The following CSMD1 variants were observed in gnomAD, a reference collection of about 807,000 sequenced individuals.
CSMD1 encodes the protein CUB and Sushi multiple domains 1, also known as CUB and sushi domain-containing protein 1.
A neutral mutation model predicts 417.5 loss-of-function variants in CSMD1; 213 were observed. The ratio of observed to expected loss-of-function variants is 0.51; its 90% confidence interval spans 0.46 to 0.57. The LOEUF (loss-of-function observed/expected upper bound fraction) is 0.57, where lower values mean the gene tolerates loss of function less well. CSMD1 is among the 20% of genes least tolerant of loss of function. The probability of loss-of-function intolerance (pLI) is 0.00; values close to 1 mark genes in which losing one functional copy is unlikely to be tolerated. For missense variants in CSMD1, 6,923 were observed against 4,529.7 expected, an observed-to-expected ratio of 1.53 and a Z score of -15.17; for synonymous variants, 2,862 against 1,736.8, an observed-to-expected ratio of 1.65 and a Z score of -16.11.
intron 23 of CSMD1, among the ~76,000 whole-genome samples, chr8:3,315,460 G>GTGTGTGTGTGTGTGTGTGTGTGTT (rs370216684): frequency 2.5e-4 from 38 of 151,590 alleles, no homozygotes; most frequent in Admixed American, 9.9e-4. Context: ...GTGTGTGTGT[G>GTGTGTGTGTGTGTGTGTGTGTGTT]TGATTTTTAA....
intron 3 of CSMD1, among the ~76,000 whole-genome samples, chr8:4,327,922 C>T (rs1370951108): frequency 1.3e-5 from 2 of 152,102 alleles, no homozygotes; most frequent in African/African-American, 4.8e-5. Context: ...TCCTTGCTCA[C>T]CACATAATTG....
intron 5 of CSMD1, among the ~76,000 whole-genome samples, chr8:3,951,475 T>G (rs959936905): frequency 2.6e-5 from 4 of 152,180 alleles, no homozygotes; most frequent in Admixed American, 2.6e-4. Context: ...GCTTGTGGGA[T>G]TCCAACTGCT....
chr8:3,261,691 C>G (rs1015467489), intron 26 of CSMD1, among the ~76,000 whole-genome samples: 28 of 152,018 alleles, frequency 1.8e-4, no homozygotes, highest in African/African-American at 6.8e-4. Context: ...TGGATTCATG[C>G]AACAAGCCGG....
intron 20 of CSMD1, among the ~76,000 whole-genome samples, chr8:3,362,691 T>G (rs1024603720): frequency 6.6e-6 from 1 of 152,198 alleles, no homozygotes; most frequent in African/African-American, 2.4e-5. Context: ...GGTCTGTATT[T>G]TCTTCCCAAA....
At chr8:3,596,422 G>A (rs1291145309) in intron 8 of CSMD1, among the ~76,000 whole-genome samples, 2 of 152,186 alleles carry the variant, frequency 1.3e-5, no homozygotes, top group African/African-American at 4.8e-5. Flanking sequence ...CAATGGAGGA[G>A]GCTGATTCCC....
chr8:4,459,588 T>C (rs940425352), intron 2 of CSMD1, among the ~76,000 whole-genome samples: 1 of 152,164 alleles, frequency 6.6e-6, no homozygotes, highest in Non-Finnish European at 1.5e-5. Context: ...ATGGCTAGTC[T>C]AAGATAATAA....
chr8:3,331,466 T>C lies in CSMD1; in HGVS notation c.3631+11828A>G, dbSNP rs566244891. Among the ~76,000 whole-genome samples the C allele has an allele frequency of 2.0e-5, 3 of 152,312 alleles. No individual in the cohort carries two copies. In the South Asian group the frequency reaches 6.2e-4, roughly 32 times the overall value. ...ATGTATCAGTGGGAAGCTCTTGAGCTTTGGATTATACTAACAGGGTTTGAA... is the reference window on the plus strand; with the variant it reads ...ATGTATCAGTGGGAAGCTCTTGAGCCTTGGATTATACTAACAGGGTTTGAA... On this transcript the variant is annotated intron_variant, in intron 23 of 69. Coordinates refer to ENST00000635120, the MANE Select transcript of CSMD1 (RefSeq NM_033225.6).
chr8:4,384,198 A>G (rs373310964), intron 3 of CSMD1, among the ~76,000 whole-genome samples: 1 of 152,178 alleles, frequency 6.6e-6, no homozygotes, highest in East Asian at 1.9e-4. Flanking sequence ...CAAGATTAGA[A>G]TCACCACACT....
intron 1 of CSMD1, among the ~76,000 whole-genome samples, chr8:4,897,227 G>T (rs968006110): frequency 6.6e-6 from 1 of 151,954 alleles, no homozygotes; most frequent in Non-Finnish European, 1.5e-5. Context: ...CGTCTGTTTT[G>T]TTTCTACTGT....
At chr8:4,735,290 T>G (rs2116976667) in intron 1 of CSMD1, among the ~76,000 whole-genome samples, 1 of 152,310 alleles carries the variant, frequency 6.6e-6, no homozygotes, top group Non-Finnish European at 1.5e-5. Flanking sequence ...TTTCACTAGC[T>G]TTTTAAACCA....
At chr8:4,888,617 C>T (rs923378220) in intron 1 of CSMD1, among the ~76,000 whole-genome samples, 7 of 151,770 alleles carry the variant, frequency 4.6e-5, no homozygotes, top group African/African-American at 1.7e-4. Context: ...ATCCCAACAC[C>T]AAAAAGCAAA....
chr8:3,828,945 T>C (rs1042967072), intron 5 of CSMD1, among the ~76,000 whole-genome samples: 1 of 152,350 alleles, frequency 6.6e-6, no homozygotes, highest in Admixed American at 6.5e-5. Flanking sequence ...GTCTTCTTTC[T>C]GTTTCTTACA....
chr8:4,962,188 CT>C (rs5889079), intron 1 of CSMD1, among the ~76,000 whole-genome samples: 59,992 of 140,440 alleles, frequency 0.43, 13,057 homozygotes, highest in Middle Eastern at 0.51. Flanking sequence ...TAAATTTCTG[CT>C]TTTTTTTTAA....
chr8:3,631,645 T>C (rs1401491859), intron 7 of CSMD1, among the ~76,000 whole-genome samples: 3 of 152,214 alleles, frequency 2.0e-5, no homozygotes. Flanking sequence ...CTGGTGATTT[T>C]AGCCAGTCCA....
In CSMD1 at chr8:4,332,996, T is replaced by G. The variant is rs554264866; in HGVS notation, c.415+86957A>C. Among the ~76,000 whole-genome samples the G allele has an allele frequency of 2.0e-5, 3 of 151,224 alleles. No homozygotes were observed. The South Asian group carries it at 6.3e-4, about 32-fold the overall frequency. ...CTTCAGTTTTGAGGTAAACGTCATA[T>G]GAAAGAGCCTAGCAACAATGTATTT... On this transcript the variant is annotated intron_variant, in intron 3 of 69. Coordinates refer to ENST00000635120, the MANE Select transcript of CSMD1 (RefSeq NM_033225.6).
chr8:3,639,255 T>A (rs1797191254), intron 7 of CSMD1, among the ~76,000 whole-genome samples: 1 of 152,226 alleles, frequency 6.6e-6, no homozygotes, highest in Non-Finnish European at 1.5e-5. Context: ...GAAATTTCTA[T>A]GAAATAGGTT....
At chr8:4,984,021 T>A (rs1363547012) in intron 1 of CSMD1, among the ~76,000 whole-genome samples, 1 of 152,128 alleles carries the variant, frequency 6.6e-6, no homozygotes, top group African/African-American at 2.4e-5. Context: ...AAAAGACTGA[T>A]TATGGAGGAC....
intron 7 of CSMD1, among the ~76,000 whole-genome samples, chr8:3,646,230 T>A (rs1272625580): frequency 6.6e-6 from 1 of 152,126 alleles, no homozygotes; most frequent in Non-Finnish European, 1.5e-5. Context: ...ACAGCACATG[T>A]ACATAGAAAA....
chr8:3,716,158 G>C (rs528628297), intron 6 of CSMD1, among the ~76,000 whole-genome samples: 1 of 152,206 alleles, frequency 6.6e-6, no homozygotes, highest in East Asian at 1.9e-4. Context: ...TTCACTGGCC[G>C]CTCCTTGTTC....
Sources: gnomAD v4.1 joint callset for allele counts (sites outside exome capture counted in the v4.1 genomes callset) on GRCh38, gnomAD v4.1.1 for gene constraint, MANE v1.5 for transcripts, NCBI Gene and HGNC (gene_info 2026-07-23, HGNC 2026-07-21) for gene names.